The following CDKL5 variants were observed in gnomAD, a reference collection of about 807,000 sequenced individuals.
The protein encoded by CDKL5 is cyclin-dependent kinase-like 5.
CDKL5 carries 8 observed loss-of-function variants against 61.7 expected under a neutral mutation model. That is an observed-to-expected ratio of 0.13 (90% CI 0.08 to 0.23). The LOEUF (loss-of-function observed/expected upper bound fraction) is 0.23, where lower values mean the gene tolerates loss of function less well. Ranked by LOEUF, CDKL5 falls within the 10% of genes least tolerant of loss-of-function variation. The pLI is 1.00. For missense variants in CDKL5, 440 were observed against 734.5 expected (o/e 0.60, Z 4.63); for synonymous variants, 275 against 272.3 (o/e 1.01, Z -0.10).
chrX:18,564,786 A>C (rs1033156646), intron 4 of CDKL5, among the ~76,000 whole-genome samples: 1 of 111,037 alleles, frequency 9.0e-6, no homozygotes, highest in African/African-American at 3.3e-5. Flanking sequence ...TGCAAGCAGC[A>C]TTGGAAATCT....
At chrX:18,560,937 A>G (rs1434835538) in intron 3 of CDKL5, among the ~76,000 whole-genome samples, 1 of 112,110 alleles carries the variant, frequency 8.9e-6, no homozygotes, top group East Asian at 2.8e-4. Context: ...CTTTTCTACT[A>G]CAAATACCAG....
At chrX:18,551,555 T>G (rs1040997701) in intron 3 of CDKL5, among the ~76,000 whole-genome samples, 2 of 81,497 alleles carry the variant, frequency 2.5e-5, no homozygotes, top group Non-Finnish European at 4.7e-5. Context: ...ACTAGATACC[T>G]TGACATTATT....
chrX:18,576,848 G>T (rs1181031480), intron 5 of CDKL5, among the ~76,000 whole-genome samples: 1 of 102,161 alleles, frequency 9.8e-6, no homozygotes, highest in Non-Finnish European at 2.0e-5. Context: ...AAAAAGGATT[G>T]CTGTATTAGG....
Position 18,633,637 on chromosome X carries a change from C to T in CDKL5, c.*4880C>T. 3 of 754,201 alleles carry T rather than the reference C, an allele frequency of 4.0e-6. No homozygotes were observed. The highest frequency in any genetic ancestry group is 1.5e-4 in the East Asian group (1 of 6,677). The allele number at this position is 754,201 out of a possible 1,213,427, so 62.2% of individuals were successfully genotyped here. ...AAGAAGTCCCTCATCTATCTGCATA[C>T]ACGCAATGTGGGAGAAGTGGGGTGG... On this transcript the variant is annotated 3_prime_UTR_variant, in exon 18 of 18. Transcript: ENST00000623535.
At chrX:18,481,845 G>T (rs755858943) in intron 1 of CDKL5, among the ~76,000 whole-genome samples, 70 of 110,905 alleles carry the variant, frequency 6.3e-4, no homozygotes, top group African/African-American at 2.2e-3. Context: ...GAGGCTAGGT[G>T]GAGGTAGCTC....
intron 4 of CDKL5, among the ~76,000 whole-genome samples, chrX:18,572,233 G>C (rs1161398800): frequency 8.9e-6 from 1 of 111,778 alleles, no homozygotes; most frequent in Non-Finnish European, 1.9e-5. Context: ...AAAAGACCGA[G>C]TCCAGAATCT....
intron 1 of CDKL5, among the ~76,000 whole-genome samples, chrX:18,467,175 A>G (rs183362768): frequency 9.1e-6 from 1 of 110,301 alleles, no homozygotes; most frequent in East Asian, 2.9e-4. Flanking sequence ...ACTTGTGTTC[A>G]TAGGGTACCG....
chrX:18,497,585 T>G (rs1252615762), intron 1 of CDKL5, among the ~76,000 whole-genome samples: 1 of 112,188 alleles, frequency 8.9e-6, no homozygotes, highest in African/African-American at 3.2e-5. Context: ...AGGAACTATT[T>G]ATATATGAAA....
intron 3 of CDKL5, among the ~76,000 whole-genome samples, chrX:18,517,915 G>T (rs750373087): frequency 9.0e-6 from 1 of 111,373 alleles, no homozygotes; most frequent in African/African-American, 3.3e-5. Flanking sequence ...GGCCGAGGCA[G>T]AATTGCTTGA....
chrX:18,615,426 C>T (rs1602293193), intron 15 of CDKL5, among the ~76,000 whole-genome samples: 1 of 111,506 alleles, frequency 9.0e-6, no homozygotes. Context: ...TTCTTTGTTG[C>T]GAGGGGATGG....
intron 1 of CDKL5, among the ~76,000 whole-genome samples, chrX:18,474,262 A>G (rs1921220050): frequency 9.0e-6 from 1 of 111,564 alleles, no homozygotes; most frequent in Non-Finnish European, 1.9e-5. Context: ...TCATTTTTAC[A>G]AGACCGTGAG....
At chrX:18,515,169 G>A (rs1922972256) in intron 3 of CDKL5, among the ~76,000 whole-genome samples, 1 of 112,227 alleles carries the variant, frequency 8.9e-6, no homozygotes. Context: ...GCAAAAACAC[G>A]AAAAGGTCAT....
intron 11 of CDKL5, among the ~76,000 whole-genome samples, chrX:18,600,469 A>G (rs1926144804): frequency 8.9e-6 from 1 of 111,771 alleles, no homozygotes; most frequent in African/African-American, 3.3e-5. Context: ...TTTTACCTTA[A>G]TTGTCTCTTA....
intron 1 of CDKL5, among the ~76,000 whole-genome samples, chrX:18,500,124 A>G (rs1922329639): frequency 9.0e-6 from 1 of 111,671 alleles, no homozygotes; most frequent in South Asian, 3.7e-4. Flanking sequence ...GTGGTGATTT[A>G]TCAAACTTTC....
Position 18,609,550 on chromosome X carries a change from G to A in CDKL5, c.2132G>A (p.Arg711Lys). ...RHLYNDPVPRRVGSFYRVPSP... is the reference protein window; with the variant it reads ...RHLYNDPVPRKVGSFYRVPSP... ...CTATACAATGATCCTGTGCCAAGGA[G>A]AGTTGGTAGCTTTTACAGAGGTAAG... The change falls in exon 14 of 18, where the codon AGA becomes AAA. Residue 711 changes from arginine (R) to lysine (K), a missense_variant. By Grantham distance (26) the Arg-to-Lys change is conservative. Transcript: ENST00000623535. The A allele has an allele frequency of 6.6e-6, 8 of 1,211,426 alleles. No homozygotes were observed. Among genetic ancestry groups the A allele is most frequent in the Non-Finnish European group, 8.9e-6 (8 of 895,476 alleles).
Position 18,634,082 on chromosome X carries a change from C to G in CDKL5, c.*5325C>G. 1.3e-6 allele frequency: 1 copy of G among 754,047 alleles called. No homozygotes were observed. The highest frequency in any genetic ancestry group is 1.6e-6 in the Non-Finnish European group (1 of 639,305). 62.1% of individuals were successfully genotyped at this position (754,047 alleles called of 1,213,427 possible). ...CCCACAAGGTTAAGCTCTCGAAACC[C>G]CATTTGATCCTTGGTTCCTATTTCG... On this transcript the variant is annotated 3_prime_UTR_variant, in exon 18 of 18. Transcript: ENST00000623535.
At chrX:18,486,719 A>G in intron 1 of CDKL5, among the ~76,000 whole-genome samples, 2 of 112,124 alleles carry the variant, frequency 1.8e-5, no homozygotes, top group Middle Eastern at 9.2e-3. Flanking sequence ...AAGAGTAGCA[A>G]ATTTATGACA....
At chrX:18,581,056 G>T (rs776279838) in intron 6 of CDKL5, among the ~76,000 whole-genome samples, 3 of 111,340 alleles carry the variant, frequency 2.7e-5, no homozygotes, top group Non-Finnish European at 3.8e-5. Context: ...AGCCGAGTTA[G>T]GTGCATTTCC....
At chrX:18,535,983 G>C (rs978611078) in intron 3 of CDKL5, 1 of 111,997 alleles carries the variant, frequency 8.9e-6, no homozygotes, top group African/African-American at 3.3e-5. Flanking sequence ...GAATGGAGCA[G>C]GCAGGAAGTA....
Sources: gnomAD v4.1 joint callset for allele counts (sites outside exome capture counted in the v4.1 genomes callset) on GRCh38, gnomAD v4.1.1 for gene constraint, MANE v1.5 for transcripts, NCBI Gene and HGNC (gene_info 2026-07-23, HGNC 2026-07-21) for gene names.